The following ABHD6 variants were observed in gnomAD, a reference collection of about 807,000 sequenced individuals.
ABHD6 encodes abhydrolase domain containing 6, acylglycerol lipase, also known as monoacylglycerol lipase ABHD6.
Under a neutral mutation model 38.8 loss-of-function variants are expected in ABHD6, and 33 were observed. The ratio of observed to expected loss-of-function variants is 0.85; its 90% CI spans 0.64 to 1.14. The LOEUF (loss-of-function observed/expected upper bound fraction) is 1.14. ABHD6 is among the 50% of genes most tolerant of loss of function. The pLI is 0.00. For synonymous variants in ABHD6, 147 were observed against 161.6 expected (o/e 0.91, Z 0.69); for missense variants, 380 against 422.6 (o/e 0.90, Z 0.88).
At chr3:58,261,284 T>C (rs375267222) in intron 3 of ABHD6, among the ~76,000 whole-genome samples, 211 of 151,978 alleles carry the variant, frequency 1.4e-3, no homozygotes, top group Middle Eastern at 0.014. Flanking sequence ...GATGACACAA[T>C]TGTGTACATA....
At chr3:58,291,010 T>C (rs1222593512) in intron 9 of ABHD6, among the ~76,000 whole-genome samples, 1 of 151,364 alleles carries the variant, frequency 6.6e-6, no homozygotes, top group Non-Finnish European at 1.5e-5. Flanking sequence ...CTGGGCACTT[T>C]GGGAGGCCAA....
intron 9 of ABHD6, among the ~76,000 whole-genome samples, chr3:58,290,828 G>A (rs953842821): frequency 1.3e-5 from 2 of 150,190 alleles, no homozygotes; most frequent in African/African-American, 2.5e-5. Flanking sequence ...GATGGCGGCC[G>A]GGAAGAGGCG....
Position 58,246,340 on chromosome 3 carries a change from A to G in ABHD6, c.-90-3538A>G, listed in dbSNP as rs115440263. 5.4e-3 allele frequency among the ~76,000 whole-genome samples: 826 copies of G among 152,290 alleles called. 3 individuals carry two copies. Among genetic ancestry groups the G allele is most frequent in the African/African-American group, 0.018 (756 of 41,552 alleles). Reference sequence around the variant, plus strand: ...GTTGCCAGGTCAGTGTATGTGTGACATGTTTCATCACCTTGCTTCTTGGCC... The same window carrying G: ...GTTGCCAGGTCAGTGTATGTGTGACGTGTTTCATCACCTTGCTTCTTGGCC... On this transcript the variant is annotated intron_variant, in intron 1 of 9. Transcript: ENST00000478253.
rs2107440312 is a variant in ABHD6 at position 58,259,146 on chromosome 3, G to A, written c.119+2441G>A. ...TGATGTGGCTCGTAACCATGGATAT[G>A]GTCACATACAGAGGTGTGATTATGT... On this transcript the variant is annotated intron_variant, in intron 3 of 9. Transcript: ENST00000478253. The surrounding 1 kb of genome is among the most constrained non-coding windows in gnomAD (Gnocchi z 4.7). Among the ~76,000 whole-genome samples the A allele has an allele frequency of 6.6e-6, 1 of 152,200 alleles. No individual in the cohort carries two copies. Among genetic ancestry groups the A allele is most frequent in the East Asian group, 1.9e-4 (1 of 5,168 alleles).
chr3:58,271,766 G>GTTTTTTTTTTGTTTTTT (rs2097445111), intron 6 of ABHD6, among the ~76,000 whole-genome samples: 3 of 63,618 alleles, frequency 4.7e-5, no homozygotes, highest in African/African-American at 2.1e-4. Flanking sequence ...CCCTCTCTCT[G>GTTTTTTTTTTGTTTTTT]TTTTTTTTTT....
At chr3:58,268,011 T>TGG (rs1333399160) in intron 4 of ABHD6, among the ~76,000 whole-genome samples, 24 of 152,196 alleles carry the variant, frequency 1.6e-4, no homozygotes, top group Non-Finnish European at 1.5e-5. Flanking sequence ...AAGTCAAGGC[T>TGG]GCAGTGAACC....
chr3:58,277,508 G>A (rs186851347), intron 7 of ABHD6, among the ~76,000 whole-genome samples: 20 of 152,212 alleles, frequency 1.3e-4, no homozygotes, highest in African/African-American at 4.8e-4. Flanking sequence ...AAGGAGATTC[G>A]GGGCTGAGAC....
Position 58,257,911 on chromosome 3 carries a change from T to C in ABHD6, c.119+1206T>C, listed in dbSNP as rs1232316521. ...ACCTGTCCTTTTATTTTGTATTTCC[T>C]TTAGAGTGAGCCATCTTTTTAAAAA... On this transcript the variant is annotated intron_variant, in intron 3 of 9. Coordinates refer to ENST00000478253, the MANE Select transcript of ABHD6 (RefSeq NM_001320126.2). The surrounding 1 kb of genome is among the most constrained non-coding windows in gnomAD (Gnocchi z 4.8). 6.6e-6 allele frequency among the ~76,000 whole-genome samples: 1 copy of C among 152,202 alleles called. No homozygotes were observed.
chr3:58,291,258 A>G (rs1434065608), intron 9 of ABHD6, among the ~76,000 whole-genome samples: 1 of 151,612 alleles, frequency 6.6e-6, no homozygotes, highest in East Asian at 2.0e-4. Context: ...TGCACCTGCA[A>G]TCGCAGGCAC....
At position 58,267,116 on chromosome 3, in the gene ABHD6, C is replaced by A; in HGVS notation, c.120-73C>A. The A allele has an allele frequency of 6.6e-7, 1 of 1,504,700 alleles. No homozygotes were observed. The highest frequency in any genetic ancestry group is 9.1e-7 in the Non-Finnish European group (1 of 1,096,824). The allele number at this position is 1,504,700 out of a possible 1,614,324, so 93.2% of individuals were successfully genotyped here. On this transcript the variant is annotated intron_variant, in intron 3 of 9. Transcript: ENST00000478253. The surrounding 1 kb of genome is among the most constrained non-coding windows in gnomAD (Gnocchi z 4.3). The stretch of plus-strand genomic sequence containing the variant: ...CACTAAGGAAGACTTATAGAGAGGA[C>A]CTGTGCCCATCTTGAAGCCACTCAT...
At chr3:58,245,779 C>CA (rs1440278620) in intron 1 of ABHD6, among the ~76,000 whole-genome samples, 1 of 137,782 alleles carries the variant, frequency 7.3e-6, no homozygotes, top group Non-Finnish European at 1.5e-5. Flanking sequence ...GACCCTGTCT[C>CA]AAAAAAAAGA....
At chr3:58,260,516 G>C (rs1414182153) in intron 3 of ABHD6, among the ~76,000 whole-genome samples, 1 of 152,226 alleles carries the variant, frequency 6.6e-6, no homozygotes, top group Non-Finnish European at 1.5e-5. Flanking sequence ...GAAATGCACA[G>C]ACTGCTTCCT....
In ABHD6 at chr3:58,285,266, C is replaced by G. The variant is rs2097456079; in HGVS notation, c.737-87C>G. 4 of 1,528,038 alleles carry G rather than the reference C, an allele frequency of 2.6e-6. No individual in the cohort carries two copies. Among genetic ancestry groups the G allele is most frequent in the Non-Finnish European group, 3.6e-6 (4 of 1,102,486 alleles). The allele number at this position is 1,528,038 out of a possible 1,614,324, so 94.7% of individuals were successfully genotyped here. A position where few individuals can be genotyped will look rare whatever the true frequency, so the allele number is the denominator to read the frequency against. On this transcript the variant is annotated intron_variant, in intron 8 of 9. Coordinates refer to ENST00000478253, the MANE Select transcript of ABHD6 (RefSeq NM_001320126.2). The surrounding 1 kb of genome is among the most constrained non-coding windows in gnomAD (Gnocchi z 4.9). ...GCCCCTGAAGAGAGGAAGTGGTGGC[C>G]TGGATCTGGTGACTATCCCTTGATT...
chr3:58,285,324 TACTC>T lies in ABHD6; in HGVS notation c.737-25_737-22del. 1.2e-6 allele frequency: 2 copies of T among 1,607,280 alleles called. No individual in the cohort carries two copies. The highest frequency in any genetic ancestry group is 1.7e-6 in the Non-Finnish European group (2 of 1,173,760). On this transcript the variant is annotated intron_variant, in intron 8 of 9. Transcript: ENST00000478253. The surrounding 1 kb of genome is among the most constrained non-coding windows in gnomAD (Gnocchi z 4.9). ...GGTGCCACAGGCACAGTCCAGCACATACTCACTTTGTTTTCCTTTTCTGACAAGT... is the reference window on the plus strand; with the variant it reads ...GGTGCCACAGGCACAGTCCAGCACATACTTTGTTTTCCTTTTCTGACAAGT...
intron 3 of ABHD6, chr3:58,258,700 T>A (rs1182683719): frequency 2.6e-5 from 4 of 156,438 alleles, no homozygotes; most frequent in Non-Finnish European, 5.7e-5. Flanking sequence ...CCAGAGAGGG[T>A]GTTATGCCCT....
At chr3:58,276,543 A>T (rs2097448867) in intron 7 of ABHD6, among the ~76,000 whole-genome samples, 1 of 151,686 alleles carries the variant, frequency 6.6e-6, no homozygotes, top group Admixed American at 6.6e-5. Context: ...GATTGCAAAA[A>T]TTTTCTCCCA....
At chr3:58,240,145 C>G (rs965597146) in intron 1 of ABHD6, among the ~76,000 whole-genome samples, 16 of 152,006 alleles carry the variant, frequency 1.1e-4, no homozygotes, top group African/African-American at 3.9e-4. Context: ...AAGTAAGACC[C>G]AGTCTCAAAA....
At chr3:58,262,506 C>G (rs2097437718) in intron 3 of ABHD6, among the ~76,000 whole-genome samples, 1 of 152,154 alleles carries the variant, frequency 6.6e-6, no homozygotes, top group South Asian at 2.1e-4. Context: ...ACTTCTGTCC[C>G]TGAAACAGGA....
At chr3:58,284,056 GGTAGAGGAGAGGA>G (rs2097455244) in intron 7 of ABHD6, among the ~76,000 whole-genome samples, 1 of 152,196 alleles carries the variant, frequency 6.6e-6, no homozygotes, top group Non-Finnish European at 1.5e-5. Context: ...CCTGTTTGCA[GGTAGAGGAGAGGA>G]GTAGAGGAGT....
Sources: gnomAD v4.1 joint callset for allele counts (sites outside exome capture counted in the v4.1 genomes callset) on GRCh38, gnomAD v4.1.1 for gene constraint, Gnocchi (gnomAD v3.1) non-coding constraint, MANE v1.5 for transcripts, NCBI Gene and HGNC (gene_info 2026-07-23, HGNC 2026-07-21) for gene names.